Variants in EPHB1 observed in about 807,000 individuals in gnomAD.
EPHB1 encodes ephrin type-B receptor 1.
A neutral mutation model predicts 94.4 loss-of-function variants in EPHB1; 30 were observed. The ratio of observed to expected loss-of-function variants is 0.32; its 90% confidence interval spans 0.24 to 0.43. The LOEUF is 0.43. EPHB1 is among the 20% of genes least tolerant of loss of function. The pLI is 1.00. For missense variants in EPHB1, 1,055 were observed against 1,308.3 expected (o/e 0.81, Z 2.99); for synonymous variants, 522 against 489.1 (o/e 1.07, Z -0.89).
intron 1 of EPHB1, among the ~76,000 whole-genome samples, chr3:134,907,512 G>A (rs2038357326): frequency 6.6e-6 from 1 of 152,178 alleles, no homozygotes; most frequent in South Asian, 2.1e-4. Flanking sequence ...ATTTTGCTGA[G>A]ATGCAAATTT....
At chr3:134,872,298 G>A (rs2037516950) in intron 1 of EPHB1, among the ~76,000 whole-genome samples, 1 of 152,224 alleles carries the variant, frequency 6.6e-6, no homozygotes, top group African/African-American at 2.4e-5. Flanking sequence ...GGTTAACCCG[G>A]ACTCTTGTAA....
intron 1 of EPHB1, among the ~76,000 whole-genome samples, chr3:134,812,879 T>C (rs1016272239): frequency 2.0e-5 from 3 of 152,220 alleles, no homozygotes; most frequent in African/African-American, 4.8e-5. Flanking sequence ...TATTAGCCAC[T>C]CATATATATT....
chr3:135,082,856 C>T (rs545408038), intron 3 of EPHB1, among the ~76,000 whole-genome samples: 1 of 152,284 alleles, frequency 6.6e-6, no homozygotes, highest in East Asian at 1.9e-4. Flanking sequence ...TCATAGAGTA[C>T]TGGGGGCAGG....
intron 5 of EPHB1, among the ~76,000 whole-genome samples, chr3:135,135,823 G>T (rs1940601484): frequency 6.6e-6 from 1 of 152,190 alleles, no homozygotes; most frequent in Non-Finnish European, 1.5e-5. Flanking sequence ...TCTATGTCTG[G>T]AACTGCCCAA....
In EPHB1 at chr3:134,951,221, A is replaced by T; in HGVS notation, c.124-150A>T. On this transcript the variant is annotated intron_variant, in intron 2 of 15. Coordinates refer to ENST00000398015, the MANE Select transcript of EPHB1 (RefSeq NM_004441.5). This position sits in a 1 kb window ranked among gnomAD's most constrained non-coding sequence, Gnocchi z 4.5. ...AGATCTTTAAAATCAAGTTGCGCTT[A>T]GATGTGTTCATTTCTCAAGTCAATC... is the stretch of plus-strand genomic sequence containing the variant. 1 of 625,890 alleles carries T rather than the reference A, an allele frequency of 1.6e-6. No individual in the cohort carries two copies. Among genetic ancestry groups the T allele is most frequent in the Non-Finnish European group, 2.6e-6 (1 of 389,950 alleles). The allele number at this position is 625,890 out of a possible 1,614,324, so 38.8% of individuals were successfully genotyped here.
At chr3:135,073,370 A>G (rs749862417) in intron 3 of EPHB1, among the ~76,000 whole-genome samples, 2 of 152,220 alleles carry the variant, frequency 1.3e-5, no homozygotes, top group Non-Finnish European at 2.9e-5. Flanking sequence ...GAAAATTTCA[A>G]GCACATGCAA....
chr3:134,807,996 G>A (rs1012104075), intron 1 of EPHB1, among the ~76,000 whole-genome samples: 1 of 152,190 alleles, frequency 6.6e-6, no homozygotes, highest in African/African-American at 2.4e-5. Context: ...CACCTCCCAT[G>A]ATGAATTCAA....
chr3:135,213,034 T>C (rs905780897), intron 12 of EPHB1, among the ~76,000 whole-genome samples: 1 of 152,244 alleles, frequency 6.6e-6, no homozygotes. Context: ...CATCTTCTAA[T>C]ACATCTGGTT....
intron 2 of EPHB1, among the ~76,000 whole-genome samples, chr3:134,937,447 A>T (rs36161): frequency 6.6e-6 from 1 of 152,000 alleles, no homozygotes; most frequent in Non-Finnish European, 1.5e-5. Flanking sequence ...CAGAGGCCCC[A>T]CCCCTTCCTT....
At chr3:134,998,334 G>A (rs1392505018) in intron 3 of EPHB1, among the ~76,000 whole-genome samples, 1 of 152,210 alleles carries the variant, frequency 6.6e-6, no homozygotes, top group Non-Finnish European at 1.5e-5. Context: ...GCAAGGAAGA[G>A]AATGTAAGTC....
intron 1 of EPHB1, among the ~76,000 whole-genome samples, chr3:134,921,277 G>T (rs1194773607): frequency 1.3e-5 from 2 of 152,098 alleles, no homozygotes; most frequent in African/African-American, 4.8e-5. Flanking sequence ...GTCCCAAGAG[G>T]CAGGGGGAGA....
At chr3:135,010,777 T>C (rs543535048) in intron 3 of EPHB1, among the ~76,000 whole-genome samples, 1 of 152,150 alleles carries the variant, frequency 6.6e-6, no homozygotes, top group East Asian at 1.9e-4. Context: ...TTGGCCAGGC[T>C]GGTCTCGAAC....
chr3:134,817,082 G>A (rs773728901), intron 1 of EPHB1, among the ~76,000 whole-genome samples: 6 of 152,120 alleles, frequency 3.9e-5, no homozygotes, highest in Non-Finnish European at 8.8e-5. Context: ...TTGGAGCAAA[G>A]TTTAAGGGGG....
At chr3:135,042,632 G>A (rs147550699) in intron 3 of EPHB1, among the ~76,000 whole-genome samples, 69 of 152,242 alleles carry the variant, frequency 4.5e-4, no homozygotes, top group African/African-American at 1.5e-3. Flanking sequence ...AGCTGAGTTT[G>A]TTGAGTTTGC....
Position 135,106,519 on chromosome 3 carries a change from T to G in EPHB1, c.877T>G (p.Ser293Ala). Reference protein sequence around the residue: ...GCSHCPSNSRSPAEASPICTC... With the variant: ...GCSHCPSNSRAPAEASPICTC... ...CTCCCACTGCCCCTCCAACAGCCGC[T>G]CCCCTGCAGAGGCGTCTCCCATCTG... The change falls in exon 4 of 16, where the codon TCC becomes GCC. Residue 293 changes from serine to alanine, a missense_variant. Physicochemically the swap from Ser to Ala is moderately conservative, Grantham distance 99 (BLOSUM62 1). Transcript: ENST00000398015. 2 of 1,613,994 alleles carry G rather than the reference T, an allele frequency of 1.2e-6. No homozygotes were observed. The highest frequency in any genetic ancestry group is 1.7e-6 in the Non-Finnish European group (2 of 1,179,886).
intron 3 of EPHB1, among the ~76,000 whole-genome samples, chr3:135,100,276 T>A (rs1308653344): frequency 2.0e-5 from 3 of 152,078 alleles, no homozygotes; most frequent in African/African-American, 7.2e-5. Context: ...TGAGGCCTCA[T>A]CTGAGAGGGG....
chr3:134,969,503 T>C (rs145118225), intron 3 of EPHB1, among the ~76,000 whole-genome samples: 300 of 152,280 alleles, frequency 2.0e-3, no homozygotes, highest in African/African-American at 6.8e-3. Context: ...GGAGAGCCAA[T>C]TCTTAGACAC....
intron 1 of EPHB1, among the ~76,000 whole-genome samples, chr3:134,824,126 T>G (rs78221310): frequency 2.0e-5 from 1 of 50,594 alleles, no homozygotes; most frequent in Admixed American, 1.9e-4. Flanking sequence ...GATAATGCCC[T>G]TTTTTTTTTT....
intron 3 of EPHB1, among the ~76,000 whole-genome samples, chr3:135,100,673 G>C (rs1198604077): frequency 6.6e-6 from 1 of 152,142 alleles, no homozygotes; most frequent in African/African-American, 2.4e-5. Context: ...CTGGAAGTCT[G>C]TGTGCAGGGA....
Sources: allele counts gnomAD v4.1 joint callset (sites outside exome capture counted in the v4.1 genomes callset), GRCh38; gene constraint gnomAD v4.1.1; non-coding constraint Gnocchi (gnomAD v3.1); transcripts MANE v1.5; gene names NCBI Gene and HGNC (gene_info 2026-07-23, HGNC 2026-07-21).